The following ZNF343 variants were observed in gnomAD, a reference collection of about 807,000 sequenced individuals.
The protein encoded by ZNF343 is zinc finger protein 343.
ZNF343 carries 11 observed loss-of-function variants against 13.8 expected under a neutral mutation model. The ratio of observed to expected loss-of-function variants is 0.80; its 90% CI spans 0.50 to 1.32. ZNF343 has a LOEUF of 1.32. Ranked by LOEUF, ZNF343 falls within the 40% of genes most tolerant of loss-of-function variation. The pLI is 0.00. For synonymous variants in ZNF343, 248 were observed against 260.0 expected, an observed-to-expected ratio of 0.95 and a Z score of 0.44; for missense variants, 658 against 714.2, an observed-to-expected ratio of 0.92 and a Z score of 0.90.
chr20:2,483,956 T>G lies in ZNF343; in HGVS notation c.1005A>C (p.Arg335Ser). ...GATGTCTATTGAGGATGGACTTACT[T>G]CTAAAGCTTTGCCCACACTCCCTGC... The part of the protein sequence containing the change: ...YLCRECGQSF[R>S]SKSILNRHQW... The change falls in exon 6 of 6, where the codon AGA becomes AGC. Residue 335 changes from arginine (R) to serine (S), a missense_variant. Coordinates refer to ENST00000278772, the MANE Select transcript of ZNF343 (RefSeq NM_024325.6). The G allele has an allele frequency of 1.2e-6, 2 of 1,612,898 alleles. No homozygotes were observed. Among genetic ancestry groups the G allele is most frequent in the South Asian group, 1.1e-5 (1 of 90,990 alleles).
rs1298296728 is a variant in ZNF343 at position 2,499,021 on chromosome 20, G to C, written c.-150+1635C>G. On this transcript the variant is annotated intron_variant, in intron 2 of 5. Coordinates refer to ENST00000278772, the MANE Select transcript of ZNF343 (RefSeq NM_024325.6). ...CGCCCAGATAATTTTTCTATTTTTA[G>C]TAGAGACGGGGTTTTGTCATGTTGT... Among the ~76,000 whole-genome samples the C allele has an allele frequency of 9.2e-5, 14 of 152,094 alleles. No homozygotes were observed. The East Asian group carries it at 2.7e-3, about 30-fold the overall frequency.
chr20:2,497,396 G>A (rs7272260), intron 2 of ZNF343, among the ~76,000 whole-genome samples: 64,156 of 151,922 alleles, frequency 0.42, 13,706 homozygotes, highest in Non-Finnish European at 0.45. Flanking sequence ...AGAACCGTCA[G>A]GGAAGACAGA....
rs1337004445 is a variant in ZNF343 at position 2,484,571 on chromosome 20, CTGAAGTACA to C, written c.381_389del (p.His127_Leu129del). 5 of 1,614,086 alleles carry C rather than the reference CTGAAGTACA, an allele frequency of 3.1e-6. No individual in the cohort carries two copies. The highest frequency in any genetic ancestry group is 4.2e-6 in the Non-Finnish European group (5 of 1,180,028). On this transcript the variant is annotated inframe_deletion, in exon 6 of 6. Transcript: ENST00000278772. Reference sequence around the variant, plus strand: ...TTTCTGCACATAAGCCCAGGAAGATCTGAAGTACATGTTGACTGAGGAACTGCTGACAGG... The same window carrying C: ...TTTCTGCACATAAGCCCAGGAAGATCTGTTGACTGAGGAACTGCTGACAGG...
chr20:2,496,931 T>C (rs1320437326), intron 2 of ZNF343, among the ~76,000 whole-genome samples: 1 of 152,014 alleles, frequency 6.6e-6, no homozygotes, highest in Non-Finnish European at 1.5e-5. Flanking sequence ...AAATACAAAA[T>C]TAGCCGGGCA....
intron 5 of ZNF343, among the ~76,000 whole-genome samples, chr20:2,489,634 G>A (rs1342854470): frequency 6.6e-6 from 1 of 152,194 alleles, no homozygotes; most frequent in Non-Finnish European, 1.5e-5. Flanking sequence ...AACCAAAATA[G>A]CTGAACCACA....
At chr20:2,503,778 C>A (rs762287506) in intron 1 of ZNF343, among the ~76,000 whole-genome samples, 2 of 152,002 alleles carry the variant, frequency 1.3e-5, no homozygotes, top group Non-Finnish European at 2.9e-5. Flanking sequence ...AAAGACACAA[C>A]ATAACAGAAT....
chr20:2,486,144 G>A (rs2085277688), intron 5 of ZNF343, among the ~76,000 whole-genome samples: 1 of 152,238 alleles, frequency 6.6e-6, no homozygotes, highest in East Asian at 1.9e-4. Context: ...CGGCAGTGAT[G>A]TAACACCCTA....
chr20:2,520,860 A>T (rs1209359625), intron 1 of ZNF343, among the ~76,000 whole-genome samples: 1 of 152,160 alleles, frequency 6.6e-6, no homozygotes, highest in African/African-American at 2.4e-5. Context: ...TGGCACTTGG[A>T]CTCTGAAACA....
intron 1 of ZNF343, among the ~76,000 whole-genome samples, chr20:2,503,966 G>C (rs960082891): frequency 3.9e-5 from 6 of 152,102 alleles, no homozygotes; most frequent in African/African-American, 1.4e-4. Flanking sequence ...GATCAGAGCA[G>C]AACTGACGGA....
At position 2,492,802 on chromosome 20, in the gene ZNF343, C is replaced by T. The variant is rs1206985195; in HGVS notation, c.201G>A (p.Val67=). The change falls in exon 5 of 6, where the codon GTG becomes GTA. Residue 67 remains valine (V), a synonymous_variant. Transcript: ENST00000278772. ...QIVVPVTFRD[V]TVIFTEAEWK... is the part of the protein sequence containing the mutation. ...ATTCTGCTTCTGTGAAGATCACAGT[C>T]ACATCCCTGAATGTAACTGGTACCT... is the stretch of plus-strand genomic sequence containing the variant. 1 of 1,613,626 alleles carries T rather than the reference C, an allele frequency of 6.2e-7. No homozygotes were observed. The highest frequency in any genetic ancestry group is 2.2e-5 in the East Asian group (1 of 44,862).
upstream of ZNF343, among the ~76,000 whole-genome samples, chr20:2,511,606 A>G (rs1435803611): frequency 1.3e-5 from 2 of 152,200 alleles, no homozygotes; most frequent in African/African-American, 4.8e-5. Context: ...GGTGACATCA[A>G]TGGGAAATCT....
rs138636905 is a variant in ZNF343 at position 2,500,416 on chromosome 20, A to G, written c.-150+240T>C. Among the ~76,000 whole-genome samples the G allele has an allele frequency of 7.6e-3, 1,151 of 152,354 alleles. 13 individuals are homozygous for G. The highest frequency in any genetic ancestry group is 0.026 in the African/African-American group (1,094 of 41,588). On this transcript the variant is annotated intron_variant, in intron 2 of 5. Coordinates refer to ENST00000278772, the MANE Select transcript of ZNF343 (RefSeq NM_024325.6). ...CAAATCCCTGGGAATCCAGCAGCCAAGATGAAATATGGCTGGGGCAAGGAC... is the reference window on the plus strand; with the variant it reads ...CAAATCCCTGGGAATCCAGCAGCCAGGATGAAATATGGCTGGGGCAAGGAC...
rs2085403766 is a variant in ZNF343, at chr20:2,493,560, T to C, written c.136A>G (p.Thr46Ala). 1.2e-6 allele frequency: 2 copies of C among 1,613,240 alleles called. No individual in the cohort carries two copies. Among genetic ancestry groups the C allele is most frequent in the African/African-American group, 2.7e-5 (2 of 74,736 alleles). ...HKAKGLPSND[T>A]DCPQKKEGKA... ...CCCTCCTTTTTCTGGGGGCAGTCAG[T>C]ATCATTAGAAGGCAAGCCTAGGGAA... Residue 46 changes from threonine to alanine, a missense_variant, in exon 4 of 6, where the codon ACT becomes GCT. Thr to Ala is a moderately conservative substitution (Grantham distance 58). Transcript: ENST00000278772.
Position 2,518,023 on chromosome 20 carries a change from T to C in ZNF343, c.-347+6432A>G, listed in dbSNP as rs2085766782. ...TTTTTTTTTCCTTTTTTCTCTCTTTTTTTTTTTCGAGACAGAGTCTCACTC... is the reference window on the plus strand; with the variant it reads ...TTTTTTTTTCCTTTTTTCTCTCTTTCTTTTTTTCGAGACAGAGTCTCACTC... On this transcript the variant is annotated intron_variant, in intron 1 of 6. Coordinates refer to the ZNF343 transcript ENST00000358413. The surrounding 1 kb of genome is among the most constrained non-coding windows in gnomAD (Gnocchi z 4.6). 6.6e-6 allele frequency among the ~76,000 whole-genome samples: 1 copy of C among 151,872 alleles called. No homozygotes were observed. The highest frequency in any genetic ancestry group is 2.4e-5 in the African/African-American group (1 of 41,364).
At chr20:2,523,832 C>G (rs536624051) in intron 1 of ZNF343, among the ~76,000 whole-genome samples, 3 of 151,938 alleles carry the variant, frequency 2.0e-5, no homozygotes, top group East Asian at 1.9e-4. Flanking sequence ...AGGGGCCCAC[C>G]ACCACGCCTG....
Position 2,489,345 on chromosome 20 carries a change from T to C in ZNF343, c.304+3354A>G, listed in dbSNP as rs979328562. Among the ~76,000 whole-genome samples the C allele has an allele frequency of 5.9e-5, 9 of 152,216 alleles. No homozygotes were observed. The South Asian group carries it at 8.3e-4, about 14-fold the overall frequency. ...GCCCTACGAACACTTATTTCTCAGA[T>C]TCAACCTAAGCTACCCTCTTGTAGC... is the stretch of plus-strand genomic sequence containing the variant. On this transcript the variant is annotated intron_variant, in intron 5 of 5. Coordinates refer to ENST00000278772, the MANE Select transcript of ZNF343 (RefSeq NM_024325.6).
At chr20:2,523,974 C>T (rs1372437723) in intron 1 of ZNF343, among the ~76,000 whole-genome samples, 13 of 108,176 alleles carry the variant, frequency 1.2e-4, no homozygotes, top group Non-Finnish European at 2.6e-4. Flanking sequence ...ACAGAGACCC[C>T]GTCTCAAAAA....
intron 1 of ZNF343, among the ~76,000 whole-genome samples, chr20:2,514,953 G>T (rs2085752855): frequency 1.3e-5 from 2 of 150,824 alleles, no homozygotes; most frequent in East Asian, 3.9e-4. Context: ...AGCTGAGATT[G>T]CACCACTGCA....
chr20:2,483,333 T>C lies in ZNF343; in HGVS notation c.1628A>G (p.His543Arg), dbSNP rs2085203613. 6.2e-7 allele frequency: 1 copy of C among 1,611,058 alleles called. No individual in the cohort carries two copies. Among genetic ancestry groups the C allele is most frequent in the Non-Finnish European group, 8.5e-7 (1 of 1,179,350 alleles). The change falls in exon 6 of 6, where the codon CAC becomes CGC. Residue 543 changes from histidine to arginine, a missense_variant. His to Arg is a conservative substitution (Grantham distance 29, BLOSUM62 0). Coordinates refer to ENST00000278772, the MANE Select transcript of ZNF343 (RefSeq NM_024325.6). The part of the protein sequence containing the change: ...KSTLIVHERT[H>R]SGEKPYVCSE... Reference sequence around the variant, plus strand: ...GCACACGTAAGGCTTCTCTCCTGAGTGTGTCCTCTCATGTACAATGAGGGT... The same window carrying C: ...GCACACGTAAGGCTTCTCTCCTGAGCGTGTCCTCTCATGTACAATGAGGGT...
Sources: gnomAD v4.1 joint callset for allele counts (sites outside exome capture counted in the v4.1 genomes callset) on GRCh38, gnomAD v4.1.1 for gene constraint, Gnocchi (gnomAD v3.1) non-coding constraint, MANE v1.5 for transcripts, NCBI Gene and HGNC (gene_info 2026-07-23, HGNC 2026-07-21) for gene names.